The following ESRRB variants were observed in gnomAD, a reference collection of about 807,000 sequenced individuals.
The protein encoded by ESRRB is steroid hormone receptor ERR2.
ESRRB carries 16 observed loss-of-function variants against 46.0 expected under a neutral mutation model. That is an observed-to-expected ratio of 0.35 (90% CI 0.24 to 0.53). The LOEUF (loss-of-function observed/expected upper bound fraction) is 0.53. ESRRB is among the 20% of genes least tolerant of loss of function. The pLI is 0.93. For synonymous variants in ESRRB, 246 were observed against 259.6 expected (o/e 0.95, Z 0.50); for missense variants, 488 against 607.4 (o/e 0.80, Z 2.07).
chr14:76,462,533 G>C lies in ESRRB; in HGVS notation c.461-12G>C. ...GCCAGCACCCGGCAACCCTCTCTGT[G>C]TCTGGTTGCAGGGAACATTGAGTAC... On this transcript the variant is annotated splice_polypyrimidine_tract_variant and intron_variant, in intron 2 of 6. Transcript: ENST00000644823. 1.2e-6 allele frequency: 2 copies of C among 1,608,666 alleles called. No homozygotes were observed. Among genetic ancestry groups the C allele is most frequent in the Non-Finnish European group, 1.7e-6 (2 of 1,175,336 alleles).
intron 1 of ESRRB, among the ~76,000 whole-genome samples, chr14:76,351,908 C>A (rs1438777326): frequency 2.0e-5 from 3 of 148,626 alleles, no homozygotes; most frequent in Non-Finnish European, 4.4e-5. Flanking sequence ...TCACTGGGGC[C>A]CAGGAGTTCA....
intron 1 of ESRRB, among the ~76,000 whole-genome samples, chr14:76,361,442 CTAGTGTTTGGA>C (rs946728590): frequency 6.6e-6 from 1 of 152,112 alleles, no homozygotes; most frequent in Non-Finnish European, 1.5e-5. Context: ...GCAGAAAAAG[CTAGTGTTTGGA>C]TTGTTACATA....
chr14:76,477,967 C>T (rs891064729), intron 3 of ESRRB, among the ~76,000 whole-genome samples: 11 of 152,082 alleles, frequency 7.2e-5, no homozygotes, highest in African/African-American at 2.4e-4. Context: ...GATAATAGCA[C>T]CTGCCTTATA....
chr14:76,368,126 C>CTTTTTTTTT (rs751709764), upstream of ESRRB, among the ~76,000 whole-genome samples: 24 of 124,216 alleles, frequency 1.9e-4, no homozygotes, highest in East Asian at 4.8e-4. Flanking sequence ...CTAATTTTTC[C>CTTTTTTTTT]TTTTTTTTTT....
At chr14:76,386,446 G>GT (rs1885231707) in intron 1 of ESRRB, among the ~76,000 whole-genome samples, 1 of 143,404 alleles carries the variant, frequency 7.0e-6, no homozygotes. Flanking sequence ...TCTAGGTTCG[G>GT]TTTTTTAATT....
intron 1 of ESRRB, among the ~76,000 whole-genome samples, chr14:76,429,688 T>C (rs1887355654): frequency 6.6e-6 from 1 of 152,052 alleles, no homozygotes; most frequent in Admixed American, 6.6e-5. Context: ...AGGTAGTGGT[T>C]GTGGTGAGCC....
chr14:76,469,669 C>T (rs924816292), intron 3 of ESRRB, among the ~76,000 whole-genome samples: 1 of 152,172 alleles, frequency 6.6e-6, no homozygotes. Context: ...GTCACCACGC[C>T]CAGCCAAAAA....
chr14:76,449,763 T>TTC (rs1888306244), intron 2 of ESRRB, among the ~76,000 whole-genome samples: 1 of 139,972 alleles, frequency 7.1e-6, no homozygotes, highest in African/African-American at 2.7e-5. Context: ...TTTCTTTCCT[T>TTC]TTTTTTTTTT....
At position 76,501,372 on chromosome 14, in the gene ESRRB, G is replaced by A. The variant is rs963344859; in HGVS notation, c.*2914G>A. On this transcript the variant is annotated 3_prime_UTR_variant, in exon 7 of 7. Transcript: ENST00000644823. ...CTTTGCATATAGGGAACTTCCTCGG[G>A]CCACACTTTAAGAACCAAGTAAGAG... The A allele has an allele frequency of 6.6e-6, 1 of 152,384 alleles. No homozygotes were observed. Among genetic ancestry groups the A allele is most frequent in the African/African-American group, 2.4e-5 (1 of 41,400 alleles). 9.4% of individuals were successfully genotyped at this position (152,384 alleles called of 1,614,324 possible).
rs563832033 is a variant in ESRRB, at chr14:76,359,280, G to A, written c.2+48364G>A. On this transcript the variant is annotated intron_variant, in intron 1 of 6. Coordinates refer to the ESRRB transcript ENST00000512784. ...TCTAGCTGAAGCTGGTATTGCTGTCGTCAGGTATGAAAGGTACATAGAGAG... is the reference window on the plus strand; with the variant it reads ...TCTAGCTGAAGCTGGTATTGCTGTCATCAGGTATGAAAGGTACATAGAGAG... Among the ~76,000 whole-genome samples the A allele has an allele frequency of 1.8e-4, 28 of 152,286 alleles. No individual in the cohort carries two copies. In the South Asian group the frequency reaches 2.3e-3, roughly 12 times the overall value.
At chr14:76,324,299 G>T (rs1158876175) in intron 1 of ESRRB, among the ~76,000 whole-genome samples, 2 of 152,180 alleles carry the variant, frequency 1.3e-5, no homozygotes, top group Admixed American at 6.5e-5. Context: ...GCTGAGAGCT[G>T]CCCCGGCAGG....
chr14:76,500,906 G>A lies in ESRRB; in HGVS notation c.*2448G>A, dbSNP rs1890636828. 1 of 663,384 alleles carries A rather than the reference G, an allele frequency of 1.5e-6. No individual in the cohort carries two copies. The highest frequency in any genetic ancestry group is 2.7e-5 in the East Asian group (1 of 36,952). 41.1% of individuals were successfully genotyped at this position (663,384 alleles called of 1,614,324 possible). A position where few individuals can be genotyped will look rare whatever the true frequency, so the allele number is the denominator to read the frequency against. ...AAACTCAGATCACAACAGGAAATGT[G>A]TCAGTAACAATGGAACTCCATCCAA... On this transcript the variant is annotated 3_prime_UTR_variant, in exon 7 of 7. Transcript: ENST00000644823.
intron 1 of ESRRB, among the ~76,000 whole-genome samples, chr14:76,355,058 C>G (rs969949454): frequency 1.3e-5 from 2 of 152,038 alleles, no homozygotes; most frequent in African/African-American, 4.8e-5. Flanking sequence ...AATTTGAAAT[C>G]CGTGTTTGTT....
chr14:76,352,455 G>A (rs915483892), intron 1 of ESRRB, among the ~76,000 whole-genome samples: 1 of 152,158 alleles, frequency 6.6e-6, no homozygotes, highest in Non-Finnish European at 1.5e-5. Flanking sequence ...CCTTAACCAG[G>A]GAGCTGCTAG....
In ESRRB at chr14:76,415,094, A is replaced by T. The variant is rs769696586; in HGVS notation, c.51-24247A>T. Among the ~76,000 whole-genome samples the T allele has an allele frequency of 2.0e-4, 31 of 152,200 alleles. 1 individual carries two copies. The highest frequency in any genetic ancestry group is 4.1e-4 in the Non-Finnish European group (28 of 68,036). ...TGGGGACCCAGACGTGAGCAAGTCA[A>T]GAGCCCTGCCCTCTAGGAGCTAGTG... On this transcript the variant is annotated intron_variant, in intron 1 of 6. Coordinates refer to ENST00000644823, the MANE Select transcript of ESRRB (RefSeq NM_001379180.1).
chr14:76,452,982 C>T (rs1295570278), intron 2 of ESRRB, among the ~76,000 whole-genome samples: 2 of 152,164 alleles, frequency 1.3e-5, no homozygotes, highest in African/African-American at 4.8e-5. Context: ...AAAGTGTGGC[C>T]CTCAGGCCAG....
upstream of ESRRB, among the ~76,000 whole-genome samples, chr14:76,369,576 G>A (rs569470257): frequency 2.2e-3 from 331 of 152,164 alleles, 2 homozygotes; most frequent in African/African-American, 7.2e-3. Flanking sequence ...GCCCGGCCTC[G>A]ATGTTTGATT....
intron 2 of ESRRB, among the ~76,000 whole-genome samples, chr14:76,451,593 A>G (rs1022690448): frequency 6.6e-6 from 1 of 152,138 alleles, no homozygotes; most frequent in Non-Finnish European, 1.5e-5. Context: ...AGGGGCTGGG[A>G]GCCCAGTGAG....
At chr14:76,409,797 A>G (rs183613634) in intron 1 of ESRRB, among the ~76,000 whole-genome samples, 10 of 151,896 alleles carry the variant, frequency 6.6e-5, no homozygotes, top group Admixed American at 6.6e-4. Context: ...GGGATGGGAG[A>G]TGGTGGGAAG....
Sources: allele counts gnomAD v4.1 joint callset (sites outside exome capture counted in the v4.1 genomes callset), GRCh38; gene constraint gnomAD v4.1.1; transcripts MANE v1.5; gene names NCBI Gene and HGNC (gene_info 2026-07-23, HGNC 2026-07-21).